BAIAP2L1: variants seen among roughly 807,000 people sequenced by gnomAD.
BAIAP2L1 encodes the protein BAR/IMD domain-containing adapter protein 2-like 1.
A neutral mutation model predicts 66.3 loss-of-function variants in BAIAP2L1; 35 were observed. The observed-to-expected ratio is 0.53, with a 90% CI of 0.40 to 0.70. The LOEUF is 0.70. BAIAP2L1 is among the 30% of genes least tolerant of loss of function. The pLI is 0.00. For synonymous variants in BAIAP2L1, 269 were observed against 248.7 expected, an observed-to-expected ratio of 1.08 and a Z score of -0.77; for missense variants, 622 against 656.9, an observed-to-expected ratio of 0.95 and a Z score of 0.58.
At chr7:98,340,002 G>C (rs1801703543) in intron 3 of BAIAP2L1, among the ~76,000 whole-genome samples, 1 of 152,120 alleles carries the variant, frequency 6.6e-6, no homozygotes, top group South Asian at 2.1e-4. Flanking sequence ...CGTGAGGACA[G>C]GGACACTTAC....
intron 1 of BAIAP2L1, among the ~76,000 whole-genome samples, chr7:98,390,210 C>A (rs56286037): frequency 6.6e-6 from 1 of 151,312 alleles, no homozygotes; most frequent in Non-Finnish European, 1.5e-5. Context: ...CCACTGCGCC[C>A]GGTCTCGGGT....
chr7:98,300,984 A>G (rs1289166143), intron 12 of BAIAP2L1, among the ~76,000 whole-genome samples: 3 of 152,078 alleles, frequency 2.0e-5, no homozygotes, highest in Non-Finnish European at 4.4e-5. Flanking sequence ...CACCCCATGC[A>G]TCGAGCGCTC....
Position 98,400,938 on chromosome 7 carries a change from G to T in BAIAP2L1, c.-86C>A. On this transcript the variant is annotated 5_prime_UTR_variant, in exon 1 of 14. Coordinates refer to ENST00000005260, the MANE Select transcript of BAIAP2L1 (RefSeq NM_018842.5). The stretch of plus-strand genomic sequence containing the variant: ...CTCCGGGCAGCGGGAGGGCCGGGGC[G>T]CGACTAAGGGGCTCTGGAGGGTCGG... The T allele has an allele frequency of 7.6e-7, 1 of 1,321,434 alleles. No individual in the cohort carries two copies. The highest frequency in any genetic ancestry group is 1.0e-6 in the Non-Finnish European group (1 of 1,004,656). 81.9% of individuals were successfully genotyped at this position (1,321,434 alleles called of 1,614,324 possible). A position where few individuals can be genotyped will look rare whatever the true frequency, so the allele number is the denominator to read the frequency against.
At chr7:98,368,459 G>A (rs182492461) in intron 1 of BAIAP2L1, among the ~76,000 whole-genome samples, 123 of 152,132 alleles carry the variant, frequency 8.1e-4, no homozygotes, top group African/African-American at 2.8e-3. Flanking sequence ...ATGGGAGGCC[G>A]AGGCGGGTGG....
intron 1 of BAIAP2L1, among the ~76,000 whole-genome samples, chr7:98,385,611 A>C (rs1802868310): frequency 6.6e-6 from 1 of 151,652 alleles, no homozygotes; most frequent in African/African-American, 2.4e-5. Context: ...ATGGGGTTTC[A>C]CTATGTTGTC....
intron 12 of BAIAP2L1, among the ~76,000 whole-genome samples, chr7:98,294,986 T>A (rs1237044685): frequency 6.6e-6 from 1 of 151,558 alleles, no homozygotes; most frequent in African/African-American, 2.4e-5. Flanking sequence ...GGGAGTGGAG[T>A]CAGGCAGCCG....
chr7:98,307,845 A>T lies in BAIAP2L1; in HGVS notation c.1007T>A (p.Leu336Gln), dbSNP rs1448332935. 1.9e-6 allele frequency: 3 copies of T among 1,614,228 alleles called. No individual in the cohort carries two copies. In the South Asian group the frequency reaches 3.3e-5, roughly 18 times the overall value. Reference sequence around the variant, plus strand: ...CACTTTCTGCTTCTTCATCATGTTCAGTCCCGTTGCAACCGAAACTGATCG... The same window carrying T: ...CACTTTCTGCTTCTTCATCATGTTCTGTCCCGTTGCAACCGAAACTGATCG... ...LQRSVSVATG[L>Q]NMMKKQKVKT... The change falls in exon 10 of 14, where the codon CTG (leucine) becomes CAG (glutamine). Residue 336 changes from leucine to glutamine, a missense_variant. By Grantham distance (113) the Leu-to-Gln change is moderately radical. Transcript: ENST00000005260.
intron 3 of BAIAP2L1, among the ~76,000 whole-genome samples, chr7:98,339,171 C>T (rs1685289999): frequency 6.6e-6 from 1 of 151,708 alleles, no homozygotes; most frequent in Non-Finnish European, 1.5e-5. Flanking sequence ...TAATTCTATG[C>T]TTGAGTTTTA....
intron 6 of BAIAP2L1, among the ~76,000 whole-genome samples, chr7:98,316,049 C>G (rs921486428): frequency 4.6e-5 from 7 of 152,076 alleles, no homozygotes; most frequent in African/African-American, 1.7e-4. Context: ...TGGGGAGGGA[C>G]CTGGTGGGAG....
chr7:98,348,358 A>G (rs4727392), intron 3 of BAIAP2L1, among the ~76,000 whole-genome samples: 100,864 of 151,690 alleles, frequency 0.66, 34,347 homozygotes, highest in Non-Finnish European at 0.74. Context: ...CTTGAGGTCA[A>G]GAGTTCAAGA....
chr7:98,391,637 G>A (rs1237323545), intron 1 of BAIAP2L1, among the ~76,000 whole-genome samples: 1 of 150,984 alleles, frequency 6.6e-6, no homozygotes, highest in Non-Finnish European at 1.5e-5. Context: ...GCATGAACTT[G>A]GGAGGTGGAC....
Position 98,359,190 on chromosome 7 carries a change from A to C in BAIAP2L1, c.127+3167T>G, listed in dbSNP as rs148222287. On this transcript the variant is annotated intron_variant, in intron 2 of 13. Coordinates refer to ENST00000005260, the MANE Select transcript of BAIAP2L1 (RefSeq NM_018842.5). ...AGAAACTGTTGCTATTCAAGTGCAC[A>C]GTGATCTGACCCTATCCCGCCCACG... Among the ~76,000 whole-genome samples the C allele has an allele frequency of 1.4e-3, 217 of 152,224 alleles. 1 individual carries two copies. The highest frequency in any genetic ancestry group is 5.0e-3 in the African/African-American group (206 of 41,534).
At chr7:98,344,156 G>A (rs902827404) in intron 3 of BAIAP2L1, among the ~76,000 whole-genome samples, 1 of 152,038 alleles carries the variant, frequency 6.6e-6, no homozygotes, top group African/African-American at 2.4e-5. Context: ...CCAGCCTGAC[G>A]ACAGAGCAAG....
chr7:98,304,133 T>C (rs905125092), intron 12 of BAIAP2L1, 63 bp downstream of exon 12: 4 of 1,466,874 alleles, frequency 2.7e-6, no homozygotes, highest in South Asian at 1.4e-5. Context: ...CCACAGGACC[T>C]GCGCCTCCCA....
At chr7:98,325,891 C>T (rs1446675921) in intron 3 of BAIAP2L1, among the ~76,000 whole-genome samples, 2 of 152,160 alleles carry the variant, frequency 1.3e-5, no homozygotes, top group Non-Finnish European at 2.9e-5. Flanking sequence ...GATGAGCAAC[C>T]ACAAACGTGA....
At chr7:98,393,036 T>C (rs1055039973) in intron 1 of BAIAP2L1, among the ~76,000 whole-genome samples, 3 of 126,712 alleles carry the variant, frequency 2.4e-5, no homozygotes, top group Admixed American at 8.3e-5. Context: ...CACATATATA[T>C]ACATATATAC....
At chr7:98,395,948 A>G (rs918728504) in intron 1 of BAIAP2L1, among the ~76,000 whole-genome samples, 1 of 152,160 alleles carries the variant, frequency 6.6e-6, no homozygotes, top group African/African-American at 2.4e-5. Context: ...CATTTGTGAC[A>G]CTATTTCAGT....
intron 1 of BAIAP2L1, among the ~76,000 whole-genome samples, chr7:98,382,846 A>G (rs892793608): frequency 6.6e-6 from 1 of 152,194 alleles, no homozygotes; most frequent in African/African-American, 2.4e-5. Context: ...TATAAGACTG[A>G]AGTAAAAATC....
intron 2 of BAIAP2L1, among the ~76,000 whole-genome samples, chr7:98,359,745 G>GT (rs780836343): frequency 0.044 from 4,787 of 109,004 alleles, 107 homozygotes; most frequent in East Asian, 0.083. Flanking sequence ...GTAGACCTGG[G>GT]TTTTTTTTTT....
Sources: gnomAD v4.1 joint callset for allele counts (sites outside exome capture counted in the v4.1 genomes callset) on GRCh38, gnomAD v4.1.1 for gene constraint, MANE v1.5 for transcripts, NCBI Gene and HGNC (gene_info 2026-07-23, HGNC 2026-07-21) for gene names.